The following CAPN9 variants were observed in gnomAD, a reference collection of about 807,000 sequenced individuals.
CAPN9 encodes the protein calpain 9.
In CAPN9, 81 loss-of-function variants were observed where a neutral mutation model predicts 92.8. The observed-to-expected ratio is 0.87, with a 90% CI of 0.73 to 1.05. The LOEUF is 1.05. Ranked by LOEUF, CAPN9 falls within the 50% of genes least tolerant of loss-of-function variation. CAPN9 has a pLI of 0.00. For synonymous variants in CAPN9, 304 were observed against 328.0 expected, an observed-to-expected ratio of 0.93 and a Z score of 0.79; for missense variants, 848 against 866.2, an observed-to-expected ratio of 0.98 and a Z score of 0.26.
At chr1:230,759,699 C>A in intron 3 of CAPN9, 69 bp downstream of exon 3, 1 of 949,402 alleles carries the variant, frequency 1.1e-6, no homozygotes, top group Non-Finnish European at 1.6e-6. Context: ...TGCATTTCCA[C>A]ACTGCCTGGT....
intron 17 of CAPN9, among the ~76,000 whole-genome samples, chr1:230,793,794 C>A (rs1480419680): frequency 6.6e-6 from 1 of 152,156 alleles, no homozygotes; most frequent in Non-Finnish European, 1.5e-5. Flanking sequence ...GAGCAAAGTG[C>A]CAGGCTGAGA....
intron 1 of CAPN9, 65 bp downstream of exon 1, chr1:230,747,774 T>G (rs1664518152): frequency 6.9e-7 from 1 of 1,455,082 alleles, no homozygotes; most frequent in African/African-American, 1.4e-5. Flanking sequence ...CCGCAGGAAG[T>G]GGAAACAGGG....
intron 1 of CAPN9, among the ~76,000 whole-genome samples, chr1:230,749,197 C>T (rs1204620257): frequency 6.6e-6 from 1 of 152,226 alleles, no homozygotes; most frequent in East Asian, 1.9e-4. Context: ...GCACCTTCCT[C>T]ACCGAAGCCA....
chr1:230,762,013 A>G (rs768360066), intron 3 of CAPN9, among the ~76,000 whole-genome samples: 1 of 152,146 alleles, frequency 6.6e-6, no homozygotes, highest in Non-Finnish European at 1.5e-5. Flanking sequence ...TAAACCACAA[A>G]CAGTGCACAT....
Position 230,787,514 on chromosome 1 carries a change from T to C in CAPN9, c.1519-8T>C, listed in dbSNP as rs369517533. Reference sequence around the variant, plus strand: ...CATTTTGTGCAAGTTTCTTTGGCTGTTTTTTAGCCTCCAAAGCCAACTCCA... The same window carrying C: ...CATTTTGTGCAAGTTTCTTTGGCTGCTTTTTAGCCTCCAAAGCCAACTCCA... On this transcript the variant is annotated splice_region_variant and splice_polypyrimidine_tract_variant and intron_variant, in intron 12 of 19. Transcript: ENST00000271971. 3 of 1,611,780 alleles carry C rather than the reference T, an allele frequency of 1.9e-6. No homozygotes were observed. The highest frequency in any genetic ancestry group is 2.5e-6 in the Non-Finnish European group (3 of 1,178,060).
At chr1:230,770,719 A>G (rs1172915919) in intron 6 of CAPN9, among the ~76,000 whole-genome samples, 1 of 152,210 alleles carries the variant, frequency 6.6e-6, no homozygotes, top group African/African-American at 2.4e-5. Flanking sequence ...TCACTCTGCC[A>G]GACTCAAGCT....
In CAPN9 at chr1:230,792,446, G is replaced by A. The variant is rs1558117364; in HGVS notation, c.1743G>A (p.Leu581=). Residue 581 remains leucine (L), a synonymous_variant, in exon 16 of 20, where the codon CTG becomes CTA. Coordinates refer to ENST00000271971, the MANE Select transcript of CAPN9 (RefSeq NM_006615.3). ...CACAGACCAGCGGCAATGGGAAGCTGGAGTTTGATGAATTCAAAGTGTTCT... is the reference window on the plus strand; with the variant it reads ...CACAGACCAGCGGCAATGGGAAGCTAGAGTTTGATGAATTCAAAGTGTTCT... ...SLMDTSGNGK[L]EFDEFKVFWD... is the part of the protein sequence containing the mutation. The A allele has an allele frequency of 1.2e-6, 2 of 1,614,124 alleles. No individual in the cohort carries two copies. The highest frequency in any genetic ancestry group is 1.7e-6 in the Non-Finnish European group (2 of 1,179,980).
chr1:230,748,367 G>T (rs1028649068), intron 1 of CAPN9, among the ~76,000 whole-genome samples: 1 of 152,174 alleles, frequency 6.6e-6, no homozygotes, highest in Non-Finnish European at 1.5e-5. Context: ...ATTAGTCAGG[G>T]CTCTACCTCT....
In CAPN9 at chr1:230,786,020, G is replaced by A. The variant is rs377755113; in HGVS notation, c.1518+3G>A. ...ATGTAGACATTGACCTTCCTGAGGT[G>A]AGTCTTCTGATGTTGCTATGGAGTA... On this transcript the variant is annotated splice_donor_region_variant and intron_variant, in intron 12 of 19. Transcript: ENST00000271971. 6.2e-7 allele frequency: 1 copy of A among 1,613,740 alleles called. No homozygotes were observed. The highest frequency in any genetic ancestry group is 8.5e-7 in the Non-Finnish European group (1 of 1,179,726).
At position 230,778,281 on chromosome 1, in the gene CAPN9, A is replaced by G. The variant is rs763770088; in HGVS notation, c.954-692A>G. Among the ~76,000 whole-genome samples, 82 of 152,112 alleles carry G rather than the reference A, an allele frequency of 5.4e-4. 1 individual carries two copies. The highest frequency in any genetic ancestry group is 1.0e-3 in the Non-Finnish European group (70 of 68,006). ...ATCTGGCCACTGTTCATCACCTCCCATACCATCAGCCTGGACCAAGCCACC... is the reference window on the plus strand; with the variant it reads ...ATCTGGCCACTGTTCATCACCTCCCGTACCATCAGCCTGGACCAAGCCACC... On this transcript the variant is annotated intron_variant, in intron 8 of 19. Coordinates refer to ENST00000271971, the MANE Select transcript of CAPN9 (RefSeq NM_006615.3).
chr1:230,749,242 A>G (rs945825487), intron 1 of CAPN9, among the ~76,000 whole-genome samples: 1 of 152,234 alleles, frequency 6.6e-6, no homozygotes, highest in Non-Finnish European at 1.5e-5. Context: ...GCATATGGCC[A>G]ATTGCAGTGT....
intron 11 of CAPN9, among the ~76,000 whole-genome samples, chr1:230,783,649 C>T (rs966881341): frequency 5.3e-5 from 8 of 152,188 alleles, no homozygotes; most frequent in African/African-American, 1.9e-4. Context: ...GCCAATTGAA[C>T]CTCTTTTCTT....
At chr1:230,748,213 AC>A (rs1202141823) in intron 1 of CAPN9, among the ~76,000 whole-genome samples, 3 of 152,150 alleles carry the variant, frequency 2.0e-5, no homozygotes, top group South Asian at 2.1e-4. Context: ...AGAACCATGC[AC>A]CCCCCATTCC....
In CAPN9 at chr1:230,748,957, C is replaced by T. The variant is rs181181572; in HGVS notation, c.213+1248C>T. The stretch of plus-strand genomic sequence containing the variant: ...GCAGTGTGGGGTGTATGTGTGTGCA[C>T]GCACTTGTGTGTGTAGGAATTTGAC... On this transcript the variant is annotated intron_variant, in intron 1 of 19. Transcript: ENST00000271971. Among the ~76,000 whole-genome samples, 24 of 152,164 alleles carry T rather than the reference C, an allele frequency of 1.6e-4. No homozygotes were observed. In the East Asian group the frequency reaches 2.1e-3, roughly 13 times the overall value.
rs185021069 is a variant in CAPN9 at position 230,795,632 on chromosome 1, C to A, written c.1987+353C>A. ...GAGTCTCAGTCCCCCTTCCTCCCCCCTTCCCCGCCCTGTAAGCCCTAGACA... is the reference window on the plus strand; with the variant it reads ...GAGTCTCAGTCCCCCTTCCTCCCCCATTCCCCGCCCTGTAAGCCCTAGACA... On this transcript the variant is annotated intron_variant, in intron 18 of 19. Transcript: ENST00000271971. 412 of 229,374 alleles carry A rather than the reference C, an allele frequency of 1.8e-3. 1 individual carries two copies. The highest frequency in any genetic ancestry group is 8.9e-3 in the African/African-American group (390 of 43,980). The allele number at this position is 229,374 out of a possible 1,614,324, so 14.2% of individuals were successfully genotyped here. A position where few individuals can be genotyped will look rare whatever the true frequency, so the allele number is the denominator to read the frequency against.
At chr1:230,750,975 G>T (rs551628736) in intron 1 of CAPN9, among the ~76,000 whole-genome samples, 2 of 152,262 alleles carry the variant, frequency 1.3e-5, no homozygotes, top group Admixed American at 1.3e-4. Context: ...AGGGAGTATC[G>T]GGTGAGGTCT....
intron 3 of CAPN9, among the ~76,000 whole-genome samples, chr1:230,761,754 C>T (rs1309822148): frequency 1.3e-5 from 2 of 152,080 alleles, no homozygotes; most frequent in African/African-American, 2.4e-5. Context: ...GCTCTCAGGC[C>T]AACTGAACCA....
In CAPN9 at chr1:230,747,405, A is replaced by T; in HGVS notation, c.-92A>T. 1.8e-6 allele frequency: 2 copies of T among 1,131,528 alleles called. No homozygotes were observed. The highest frequency in any genetic ancestry group is 2.7e-6 in the Non-Finnish European group (2 of 745,942). 70.1% of individuals were successfully genotyped at this position (1,131,528 alleles called of 1,614,324 possible). On this transcript the variant is annotated 5_prime_UTR_variant, in exon 1 of 20. Coordinates refer to ENST00000271971, the MANE Select transcript of CAPN9 (RefSeq NM_006615.3). ...GGCCACTCAGCCCAGTGGCCCTCTG[A>T]GCTGTTCCTTCTTGACCGGCACACA... is the stretch of plus-strand genomic sequence containing the variant.
Position 230,780,649 on chromosome 1 carries a change from G to GC in CAPN9, c.1426dup (p.His476ProfsTer5). 1 of 1,614,076 alleles carries GC rather than the reference G, an allele frequency of 6.2e-7. No homozygotes were observed. The highest frequency in any genetic ancestry group is 1.7e-5 in the Admixed American group (1 of 60,028). On this transcript the variant is annotated frameshift_variant, in exon 11 of 20. Transcript: ENST00000271971. LOFTEE classifies it high-confidence loss of function. ...ACATCCTGATTCCCAGCACTTTTGA[G>GC]CCCCACCAGGAAGCTGATTTCTGTC...
Sources: allele counts gnomAD v4.1 joint callset (sites outside exome capture counted in the v4.1 genomes callset), GRCh38; gene constraint gnomAD v4.1.1; transcripts MANE v1.5; gene names NCBI Gene and HGNC (gene_info 2026-07-23, HGNC 2026-07-21).